The following AKR1C2 variants were observed in gnomAD, a reference collection of about 807,000 sequenced individuals.
AKR1C2 encodes the protein 3-alpha-HSD3.
Under a neutral mutation model 39.8 loss-of-function variants are expected in AKR1C2, and 27 were observed. The observed-to-expected ratio is 0.68, with a 90% CI of 0.50 to 0.93. The LOEUF (loss-of-function observed/expected upper bound fraction) is 0.93. Among genes scored for constraint, AKR1C2 ranks in the 40% least tolerant of loss-of-function variants. The pLI, the probability that AKR1C2 is intolerant of heterozygous loss-of-function variation, is 0.00. For missense variants in AKR1C2, 263 were observed against 365.1 expected, an observed-to-expected ratio of 0.72 and a Z score of 2.28; for synonymous variants, 114 against 137.9, an observed-to-expected ratio of 0.83 and a Z score of 1.22.
At chr10:5,014,813 A>G (rs1421927632) in intron 1 of AKR1C2, 12 of 152,082 alleles carry the variant, frequency 7.9e-5, no homozygotes, top group African/African-American at 2.9e-4. Context: ...TAATTTTAGT[A>G]TTATCTGCCC....
At chr10:4,998,548 A>C in intron 5 of AKR1C2, 77 bp downstream of exon 5, 1 of 1,586,882 alleles carries the variant, frequency 6.3e-7, no homozygotes, top group Admixed American at 1.8e-5. Flanking sequence ...AAGTGGGACT[A>C]AATGAATGGA....
At chr10:5,007,587 C>T (rs868942908), upstream of AKR1C2, 14 of 149,128 alleles carry the variant, frequency 9.4e-5, no homozygotes, top group Non-Finnish European at 2.1e-4. Flanking sequence ...CATAGAAACC[C>T]CAAAATATTG....
rs1462131497 is a variant in AKR1C2 at position 4,997,026 on chromosome 10, G to C, written c.571-1161C>G. 2.6e-5 allele frequency among the ~76,000 whole-genome samples: 4 copies of C among 152,238 alleles called. No homozygotes were observed. The East Asian group carries it at 7.7e-4, about 29-fold the overall frequency. ...ATCCCCCAGCAGATTACTAGTAATT[G>C]TTAAAGAGAAAACATGAGTTAAAAA... On this transcript the variant is annotated intron_variant, in intron 5 of 8. Transcript: ENST00000380753.
intron 1 of AKR1C2, among the ~76,000 whole-genome samples, chr10:5,017,688 T>A (rs1229940309): frequency 6.6e-6 from 1 of 152,192 alleles, no homozygotes; most frequent in Admixed American, 6.5e-5. Flanking sequence ...TCACACCTAC[T>A]ACCTATCCAG....
At chr10:5,012,676 A>G (rs1170087372) in intron 1 of AKR1C2, among the ~76,000 whole-genome samples, 6 of 152,046 alleles carry the variant, frequency 3.9e-5, no homozygotes, top group African/African-American at 1.4e-4. Flanking sequence ...GTTGAACGAG[A>G]TTTTGGAATT....
At chr10:5,007,609 T>C (rs541797652), upstream of AKR1C2, 21 of 150,038 alleles carry the variant, frequency 1.4e-4, no homozygotes, top group African/African-American at 4.9e-4. Context: ...TAGTTGAGGA[T>C]ATAAAGGAGA....
chr10:4,996,375 T>C (rs1233522133), intron 5 of AKR1C2, among the ~76,000 whole-genome samples: 1 of 151,360 alleles, frequency 6.6e-6, no homozygotes, highest in African/African-American at 2.4e-5. Context: ...TACACATAAA[T>C]ACTGATAATT....
At chr10:5,012,205 A>C (rs1165010723) in intron 1 of AKR1C2, among the ~76,000 whole-genome samples, 2 of 151,888 alleles carry the variant, frequency 1.3e-5, no homozygotes, top group Non-Finnish European at 2.9e-5. Context: ...GTGATATAGT[A>C]CTTTCTATTA....
At chr10:5,006,798 T>C (rs1476434383), upstream of AKR1C2, among the ~76,000 whole-genome samples, 1 of 148,768 alleles carries the variant, frequency 6.7e-6, no homozygotes, top group Non-Finnish European at 1.5e-5. Context: ...TTTTTTTTTT[T>C]CGGAGTTTTG....
intron 2 of AKR1C2, 117 bp downstream of exon 2, chr10:5,001,397 A>G: frequency 6.6e-7 from 1 of 1,509,866 alleles, no homozygotes; most frequent in East Asian, 2.3e-5. Context: ...GTAAGTGTGA[A>G]TAAATCGAAA....
At chr10:5,017,414 C>T (rs1202198266) in intron 1 of AKR1C2, among the ~76,000 whole-genome samples, 1 of 152,150 alleles carries the variant, frequency 6.6e-6, no homozygotes, top group African/African-American at 2.4e-5. Flanking sequence ...CCATCAGATA[C>T]CCTAAATCAT....
chr10:4,997,009 G>A (rs1588301434), intron 5 of AKR1C2, among the ~76,000 whole-genome samples: 1 of 152,172 alleles, frequency 6.6e-6, no homozygotes, highest in Admixed American at 6.5e-5. Flanking sequence ...TTATCCCCCA[G>A]CAGATTACTA....
intron 7 of AKR1C2, among the ~76,000 whole-genome samples, chr10:4,992,434 C>A (rs112054252): frequency 0.083 from 12,544 of 151,990 alleles, 547 homozygotes; most frequent in Middle Eastern, 0.13. Flanking sequence ...CTCTAAATAT[C>A]AAAAAGATGT....
At chr10:5,017,992 C>A (rs1588314641), upstream of AKR1C2, 1 of 152,244 alleles carries the variant, frequency 6.6e-6, no homozygotes, top group Middle Eastern at 3.4e-3. Flanking sequence ...GGAGGTGCTA[C>A]ACACTTTCAA....
intron 1 of AKR1C2, among the ~76,000 whole-genome samples, chr10:5,010,101 G>A (rs1396486096): frequency 1.9e-4 from 28 of 144,006 alleles, no homozygotes; most frequent in Non-Finnish European, 3.6e-4. Flanking sequence ...ATAAGTCAGA[G>A]GGTCCATGGA....
At chr10:5,010,797 C>A (rs1837507464) in intron 1 of AKR1C2, 1 of 152,150 alleles carries the variant, frequency 6.6e-6, no homozygotes, top group Admixed American at 6.5e-5. Flanking sequence ...AGACGTGCAA[C>A]CTTGCTTATA....
At position 4,987,864 on chromosome 10, in the gene AKR1C2, T is replaced by G. The variant is rs534927663; in HGVS notation, c.*2132A>C. On this transcript the variant is annotated 3_prime_UTR_variant, in exon 9 of 9. Transcript: ENST00000380753. ...TATATGGCTGTAAGTTACTATTTCCTTTCATTCAACCTGAATTCCTCCCTT... is the reference window on the plus strand; with the variant it reads ...TATATGGCTGTAAGTTACTATTTCCGTTCATTCAACCTGAATTCCTCCCTT... The G allele has an allele frequency of 7.0e-6, 1 of 142,722 alleles. No individual in the cohort carries two copies. Among genetic ancestry groups the G allele is most frequent in the Non-Finnish European group, 1.5e-5 (1 of 65,990 alleles). 8.8% of individuals were successfully genotyped at this position (142,722 alleles called of 1,614,324 possible).
intron 8 of AKR1C2, among the ~76,000 whole-genome samples, chr10:4,990,359 A>G (rs1433012908): frequency 5.3e-5 from 8 of 152,192 alleles, no homozygotes; most frequent in Admixed American, 2.0e-4. Context: ...GACCTTTTCT[A>G]TTTCAAATTC....
At chr10:4,996,121 A>G (rs1554773055) in intron 5 of AKR1C2, 1 of 554,372 alleles carries the variant, frequency 1.8e-6, no homozygotes, top group East Asian at 6.8e-5. Context: ...AGAAGGAGAC[A>G]CGGCCAATTT....
Sources: gnomAD v4.1 joint callset for allele counts (sites outside exome capture counted in the v4.1 genomes callset) on GRCh38, gnomAD v4.1.1 for gene constraint, MANE v1.5 for transcripts, NCBI Gene and HGNC (gene_info 2026-07-23, HGNC 2026-07-21) for gene names.